The following SLIT1 variants were observed in gnomAD, a reference collection of about 807,000 sequenced individuals.
The protein encoded by SLIT1 is slit guidance ligand 1.
SLIT1 carries 66 observed loss-of-function variants against 186.1 expected under a neutral mutation model. The ratio of observed to expected loss-of-function variants is 0.35; its 90% confidence interval spans 0.29 to 0.44. The LOEUF (loss-of-function observed/expected upper bound fraction) is 0.44, where lower values mean the gene tolerates loss of function less well. Ranked by LOEUF, SLIT1 falls within the 20% of genes least tolerant of loss-of-function variation. The pLI, the probability that SLIT1 is intolerant of heterozygous loss-of-function variation, is 1.00. For synonymous variants in SLIT1, 761 were observed against 833.8 expected, an observed-to-expected ratio of 0.91 and a Z score of 1.50; for missense variants, 1,638 against 2,037.4, an observed-to-expected ratio of 0.80 and a Z score of 3.77.
At chr10:97,054,642 C>T (rs1246117059) in intron 13 of SLIT1, among the ~76,000 whole-genome samples, 1 of 152,162 alleles carries the variant, frequency 6.6e-6, no homozygotes, top group East Asian at 1.9e-4. Context: ...ATAAATCAAT[C>T]AAAACTGAAC....
chr10:97,164,914 A>G (rs771742081), intron 1 of SLIT1, 24 bp from the exon 2 acceptor site: 1 of 1,589,726 alleles, frequency 6.3e-7, no homozygotes, highest in South Asian at 1.1e-5. Context: ...GAGAGAAGGA[A>G]GCAGTGGGGT....
At chr10:97,157,791 A>G (rs1455665827) in intron 4 of SLIT1, 27 bp downstream of exon 4, 2 of 1,583,864 alleles carry the variant, frequency 1.3e-6, no homozygotes. Flanking sequence ...CACAGGGAGA[A>G]CTCTCTGGCC....
Position 97,019,090 on chromosome 10 carries a change from C to T in SLIT1, c.2764G>A (p.Val922Ile). Reference protein sequence around the residue: ...FECQGPPTLAVQAKCDLCLSS... With the variant: ...FECQGPPTLAIQAKCDLCLSS... ...AAGCAGAGATCACACTTGGCCTGGA[C>T]AGCCAGCGTTGGAGGACCTGCAGCA... Residue 922 changes from valine to isoleucine, a missense_variant, in exon 27 of 37, where the codon GTC becomes ATC. Coordinates refer to ENST00000266058, the MANE Select transcript of SLIT1 (RefSeq NM_003061.3). 6.2e-7 allele frequency: 1 copy of T among 1,613,358 alleles called. No individual in the cohort carries two copies. The highest frequency in any genetic ancestry group is 8.5e-7 in the Non-Finnish European group (1 of 1,179,458).
intron 4 of SLIT1, among the ~76,000 whole-genome samples, chr10:97,110,490 A>G (rs112574935): frequency 6.6e-6 from 1 of 152,262 alleles, no homozygotes; most frequent in Non-Finnish European, 1.5e-5. Context: ...CATGAACCAC[A>G]GTCCACATCA....
chr10:97,114,645 G>T (rs1849494150), intron 4 of SLIT1, among the ~76,000 whole-genome samples: 1 of 152,148 alleles, frequency 6.6e-6, no homozygotes, highest in South Asian at 2.1e-4. Flanking sequence ...GTGACAAAGT[G>T]AGACCCTGTC....
chr10:97,160,673 T>A (rs540194143), intron 3 of SLIT1, among the ~76,000 whole-genome samples: 1 of 152,350 alleles, frequency 6.6e-6, no homozygotes, highest in South Asian at 2.1e-4. Flanking sequence ...TGTTTTAACA[T>A]AAAATGAAAT....
At position 97,014,096 on chromosome 10, in the gene SLIT1, T is replaced by C; in HGVS notation, c.3032A>G (p.Asp1011Gly). 6.2e-7 allele frequency: 1 copy of C among 1,614,026 alleles called. No individual in the cohort carries two copies. Among genetic ancestry groups the C allele is most frequent in the Non-Finnish European group, 8.5e-7 (1 of 1,180,018 alleles). The change falls in exon 29 of 37, where the codon GAT becomes GGT. Residue 1011 changes from aspartate to glycine, a missense_variant. Asp to Gly is a moderately conservative substitution (Grantham distance 94). Around this residue, in one of 3 missense-constraint regions of SLIT1, gnomAD observed 1,245 missense variants for 1,535.3 expected, o/e 0.81. Transcript: ENST00000266058. ...TCGVNTDDCV[D>G]HACANGGVCV... is the part of the protein sequence containing the mutation. ...GACGCCCCCATTGGCACAGGCATGA[T>C]CCACACAGTCATCTGTGTTCACCCC...
rs1462837814 is a variant in SLIT1, at chr10:97,032,527, C to T, written c.2439-850G>A. 2.6e-5 allele frequency among the ~76,000 whole-genome samples: 4 copies of T among 151,702 alleles called. No homozygotes were observed. The South Asian group carries it at 8.3e-4, about 32-fold the overall frequency. On this transcript the variant is annotated intron_variant, in intron 23 of 36. Transcript: ENST00000266058. ...GAGGTTGCAGTGAGCCAAAATCGCGCCACTGCACTCCAGCCTGGGCGACAG... is the reference window on the plus strand; with the variant it reads ...GAGGTTGCAGTGAGCCAAAATCGCGTCACTGCACTCCAGCCTGGGCGACAG...
chr10:97,128,049 G>A (rs1405495776), intron 4 of SLIT1, among the ~76,000 whole-genome samples: 1 of 151,792 alleles, frequency 6.6e-6, no homozygotes, highest in African/African-American at 2.4e-5. Context: ...CAGGGTCAGG[G>A]AACAAATGCA....
intron 26 of SLIT1, 32 bp from the exon 27 acceptor site, chr10:97,019,139 G>T: frequency 7.5e-6 from 10 of 1,329,460 alleles, no homozygotes; most frequent in African/African-American, 1.4e-5. Flanking sequence ...AGTGCAGGGG[G>T]AGGGGTGGGC....
In SLIT1 at chr10:97,047,960, C is replaced by G. The variant is rs372676642; in HGVS notation, c.1489+13G>C. The G allele has an allele frequency of 6.2e-7, 1 of 1,613,950 alleles. No individual in the cohort carries two copies. The highest frequency in any genetic ancestry group is 8.5e-7 in the Non-Finnish European group (1 of 1,179,946). On this transcript the variant is annotated intron_variant, in intron 15 of 36. Coordinates refer to ENST00000266058, the MANE Select transcript of SLIT1 (RefSeq NM_003061.3). ...TCCCGCCAGGCTGGCCTTGGATCCC[C>G]CCACTCTCCTACCTGGAATGAAGTA...
intron 4 of SLIT1, among the ~76,000 whole-genome samples, chr10:97,113,791 G>A (rs969764169): frequency 1.3e-5 from 2 of 152,026 alleles, no homozygotes; most frequent in African/African-American, 2.4e-5. Context: ...CCTGACCTCA[G>A]GTGATACGCT....
intron 28 of SLIT1, among the ~76,000 whole-genome samples, chr10:97,015,229 A>G (rs1848445780): frequency 6.6e-6 from 1 of 152,212 alleles, no homozygotes; most frequent in Non-Finnish European, 1.5e-5. Context: ...CAAGCCCTCC[A>G]GGTAGAAAGG....
intron 4 of SLIT1, among the ~76,000 whole-genome samples, chr10:97,098,463 C>A (rs77971711): frequency 6.6e-6 from 1 of 152,110 alleles, no homozygotes; most frequent in East Asian, 1.9e-4. Context: ...TCTAGGGGTA[C>A]GGTGAGGACT....
In SLIT1 at chr10:97,040,881, A is replaced by T. The variant is rs115438264; in HGVS notation, c.2165-761T>A. ...TTCTTGAGGACACTGGGATGCTGGTAGCACATGCTCCCGGGTGACAGTGAC... is the reference window on the plus strand; with the variant it reads ...TTCTTGAGGACACTGGGATGCTGGTTGCACATGCTCCCGGGTGACAGTGAC... On this transcript the variant is annotated intron_variant, in intron 20 of 36. Coordinates refer to ENST00000266058, the MANE Select transcript of SLIT1 (RefSeq NM_003061.3). Among the ~76,000 whole-genome samples, 1,096 of 152,308 alleles carry T rather than the reference A, an allele frequency of 7.2e-3. 14 individuals carry two copies. The highest frequency in any genetic ancestry group is 0.025 in the African/African-American group (1,041 of 41,568).
intron 36 of SLIT1, 104 bp downstream of exon 36, chr10:97,002,054 T>C: frequency 1.4e-6 from 1 of 709,292 alleles, no homozygotes; most frequent in Non-Finnish European, 2.3e-6. Context: ...GGTACAGGGC[T>C]GGGAAGGGAC....
Position 97,001,456 on chromosome 10 carries a change from G to T in SLIT1, c.4367-106C>A, listed in dbSNP as rs1848308704. On this transcript the variant is annotated intron_variant, in intron 36 of 36. Coordinates refer to ENST00000266058, the MANE Select transcript of SLIT1 (RefSeq NM_003061.3). Reference sequence around the variant, plus strand: ...GGAGGAGGAGGGCAGCATCTGTGGGGTGGATCCTTTGGCTCTCAGACCCCA... The same window carrying T: ...GGAGGAGGAGGGCAGCATCTGTGGGTTGGATCCTTTGGCTCTCAGACCCCA... The T allele has an allele frequency of 4.7e-6, 4 of 842,486 alleles. No homozygotes were observed. In the Admixed American group the frequency reaches 6.6e-5, roughly 14 times the overall value. The allele number at this position is 842,486 out of a possible 1,614,324, so 52.2% of individuals were successfully genotyped here. A position where few individuals can be genotyped will look rare whatever the true frequency, so the allele number is the denominator to read the frequency against.
At chr10:97,027,744 G>C (rs1378494424) in intron 25 of SLIT1, among the ~76,000 whole-genome samples, 1 of 152,068 alleles carries the variant, frequency 6.6e-6, no homozygotes, top group Non-Finnish European at 1.5e-5. Context: ...TTTTTGGTTT[G>C]CTTAAAACAT....
chr10:97,027,481 C>G (rs1848556029), intron 25 of SLIT1, among the ~76,000 whole-genome samples: 1 of 152,216 alleles, frequency 6.6e-6, no homozygotes, highest in Non-Finnish European at 1.5e-5. Context: ...CACAAGCTTT[C>G]TTGATAACAA....
Sources: allele counts gnomAD v4.1 joint callset (sites outside exome capture counted in the v4.1 genomes callset), GRCh38; gene constraint gnomAD v4.1.1; regional missense constraint gnomAD v4.1.1; transcripts MANE v1.5; gene names NCBI Gene and HGNC (gene_info 2026-07-23, HGNC 2026-07-21).